The following DPP10 variants were observed in gnomAD, a reference collection of about 807,000 sequenced individuals.
The protein encoded by DPP10 is dipeptidyl peptidase like 10, also known as inactive dipeptidyl peptidase 10.
DPP10 carries 33 observed loss-of-function variants against 120.9 expected under a neutral mutation model. That is an observed-to-expected ratio of 0.27 (90% CI 0.21 to 0.37). The LOEUF (loss-of-function observed/expected upper bound fraction) is 0.37, where lower values mean the gene tolerates loss of function less well. Among genes scored for constraint, DPP10 ranks in the 10% least tolerant of loss-of-function variants. The probability of loss-of-function intolerance (pLI) is 1.00; values close to 1 mark genes in which losing one functional copy is unlikely to be tolerated. For missense variants in DPP10, 816 were observed against 942.8 expected, an observed-to-expected ratio of 0.87 and a Z score of 1.76; for synonymous variants, 337 against 326.1, an observed-to-expected ratio of 1.03 and a Z score of -0.36.
intron 1 of DPP10, among the ~76,000 whole-genome samples, chr2:114,903,494 G>A (rs1307937673): frequency 6.6e-6 from 1 of 152,116 alleles, no homozygotes; most frequent in Non-Finnish European, 1.5e-5. Context: ...GATGTGTAGT[G>A]GTATATCATT....
At chr2:115,594,402 C>T (rs576760009) in intron 5 of DPP10, among the ~76,000 whole-genome samples, 61 of 151,618 alleles carry the variant, frequency 4.0e-4, no homozygotes, top group African/African-American at 1.2e-3. Flanking sequence ...ATAAATAGCT[C>T]AAAAGAAAAA....
chr2:114,977,309 G>A (rs530249599), intron 1 of DPP10, among the ~76,000 whole-genome samples: 1 of 151,796 alleles, frequency 6.6e-6, no homozygotes, highest in East Asian at 1.9e-4. Flanking sequence ...CATTAATTTG[G>A]GCAGCTCTGT....
At chr2:115,240,658 G>A (rs904743043) in intron 1 of DPP10, among the ~76,000 whole-genome samples, 9 of 152,130 alleles carry the variant, frequency 5.9e-5, no homozygotes, top group African/African-American at 1.9e-4. Context: ...AACGCACTAA[G>A]AAACCAAAAA....
chr2:115,327,724 GTTA>G (rs2062450385), intron 2 of DPP10, among the ~76,000 whole-genome samples: 1 of 151,978 alleles, frequency 6.6e-6, no homozygotes, highest in Non-Finnish European at 1.5e-5. Flanking sequence ...ATGCACTGGT[GTTA>G]TTTTATTTTT....
chr2:114,603,482 G>T (rs557895502), intron 1 of DPP10, among the ~76,000 whole-genome samples: 1 of 152,134 alleles, frequency 6.6e-6, no homozygotes, highest in African/African-American at 2.4e-5. Flanking sequence ...ATTCAGATAT[G>T]TATGTAAAAC....
intron 1 of DPP10, among the ~76,000 whole-genome samples, chr2:114,914,339 C>T (rs1694612768): frequency 6.6e-6 from 1 of 152,134 alleles, no homozygotes; most frequent in Non-Finnish European, 1.5e-5. Flanking sequence ...AAAGGGAACC[C>T]TATCAAGCTA....
chr2:115,038,364 G>A lies in DPP10; in HGVS notation c.61-270875G>A, dbSNP rs186119565. Among the ~76,000 whole-genome samples the A allele has an allele frequency of 1.5e-4, 23 of 151,986 alleles. 1 individual carries two copies. In the East Asian group the frequency reaches 3.7e-3, roughly 24 times the overall value. The stretch of plus-strand genomic sequence containing the variant: ...TGGCTCATTGCAAGCTCCGCCTCCC[G>A]GGTTCACGCCATTCTCCTGCCTCAG... On this transcript the variant is annotated intron_variant, in intron 1 of 25. Transcript: ENST00000410059.
intron 1 of DPP10, among the ~76,000 whole-genome samples, chr2:115,296,346 G>C (rs941018809): frequency 2.0e-5 from 3 of 152,114 alleles, no homozygotes; most frequent in African/African-American, 7.2e-5. Flanking sequence ...AGTGCCACTT[G>C]TTCTTTTCAT....
At chr2:114,588,761 AAAC>A (rs1691206669) in intron 1 of DPP10, among the ~76,000 whole-genome samples, 1 of 152,194 alleles carries the variant, frequency 6.6e-6, no homozygotes, top group African/African-American at 2.4e-5. Context: ...CACTTTAGAA[AAAC>A]AGTTGGTGCA....
At chr2:115,574,220 C>T (rs1342431760) in intron 5 of DPP10, among the ~76,000 whole-genome samples, 1 of 152,182 alleles carries the variant, frequency 6.6e-6, no homozygotes, top group Admixed American at 6.5e-5. Flanking sequence ...ATAGTACCCT[C>T]TCAGTATAGT....
intron 1 of DPP10, among the ~76,000 whole-genome samples, chr2:114,870,453 A>T (rs1054268911): frequency 1.3e-5 from 2 of 152,022 alleles, no homozygotes; most frequent in African/African-American, 2.4e-5. Context: ...TGTAAAAAAA[A>T]AATCCTCCAT....
At chr2:115,295,431 T>C (rs2060841887) in intron 1 of DPP10, among the ~76,000 whole-genome samples, 1 of 152,138 alleles carries the variant, frequency 6.6e-6, no homozygotes, top group Non-Finnish European at 1.5e-5. Flanking sequence ...AAATGTTGCT[T>C]AACTTCTTTT....
At chr2:114,821,620 T>TTC in intron 1 of DPP10, among the ~76,000 whole-genome samples, 1 of 152,266 alleles carries the variant, frequency 6.6e-6, no homozygotes, top group East Asian at 1.9e-4. Flanking sequence ...AGCAAGTCCC[T>TTC]TCCACCTATG....
At chr2:115,476,443 C>G (rs1473477651) in intron 3 of DPP10, among the ~76,000 whole-genome samples, 2 of 152,132 alleles carry the variant, frequency 1.3e-5, no homozygotes, top group African/African-American at 4.8e-5. Flanking sequence ...AACCTCTTTT[C>G]TTTACAAATC....
At chr2:114,682,093 A>G (rs1699064564) in intron 1 of DPP10, among the ~76,000 whole-genome samples, 1 of 151,924 alleles carries the variant, frequency 6.6e-6, no homozygotes. Flanking sequence ...CTGCTGTAAG[A>G]TTGTACAATT....
At chr2:115,295,480 A>G (rs1032980173) in intron 1 of DPP10, among the ~76,000 whole-genome samples, 1 of 152,136 alleles carries the variant, frequency 6.6e-6, no homozygotes, top group Non-Finnish European at 1.5e-5. Context: ...AGAAATGGCT[A>G]ATAACCGTCA....
intron 19 of DPP10, among the ~76,000 whole-genome samples, chr2:115,811,597 C>T (rs541682200): frequency 5.9e-5 from 9 of 152,138 alleles, no homozygotes; most frequent in African/African-American, 1.2e-4. Context: ...ATGTGTCATA[C>T]GTAGATTGGA....
chr2:115,576,419 G>T (rs886597979), intron 5 of DPP10, among the ~76,000 whole-genome samples: 1 of 152,126 alleles, frequency 6.6e-6, no homozygotes, highest in African/African-American at 2.4e-5. Flanking sequence ...TGAGTCTCAG[G>T]TTCCTAATCT....
At chr2:115,382,509 C>A (rs568444506) in intron 3 of DPP10, among the ~76,000 whole-genome samples, 5 of 152,332 alleles carry the variant, frequency 3.3e-5, no homozygotes, top group African/African-American at 1.2e-4. Flanking sequence ...ATGCAGAAAT[C>A]ACTGGTCTTC....
Sources: gnomAD v4.1 joint callset for allele counts (sites outside exome capture counted in the v4.1 genomes callset) on GRCh38, gnomAD v4.1.1 for gene constraint, MANE v1.5 for transcripts, NCBI Gene and HGNC (gene_info 2026-07-23, HGNC 2026-07-21) for gene names.